Variants in PIK3CB observed in about 807,000 individuals in gnomAD.
PIK3CB encodes phosphatidylinositol 4,5-bisphosphate 3-kinase catalytic subunit beta isoform.
Under a neutral mutation model 136.8 loss-of-function variants are expected in PIK3CB, and 39 were observed. The ratio of observed to expected loss-of-function variants is 0.29; its 90% CI spans 0.22 to 0.37. PIK3CB has a LOEUF of 0.37. PIK3CB is among the 10% of genes least tolerant of loss of function. PIK3CB has a pLI of 1.00. For synonymous variants in PIK3CB, 428 were observed against 436.6 expected, an observed-to-expected ratio of 0.98 and a Z score of 0.25; for missense variants, 868 against 1,275.4, an observed-to-expected ratio of 0.68 and a Z score of 4.87.
At chr3:138,828,428 G>A (rs1344042450) in intron 1 of PIK3CB, among the ~76,000 whole-genome samples, 1 of 151,858 alleles carries the variant, frequency 6.6e-6, no homozygotes, top group South Asian at 2.1e-4. Context: ...CTTGTGATCC[G>A]CCCGTCTCGG....
chr3:138,792,003 C>A (rs1414021669), intron 2 of PIK3CB, among the ~76,000 whole-genome samples: 2 of 152,154 alleles, frequency 1.3e-5, no homozygotes, highest in Non-Finnish European at 2.9e-5. Context: ...GTGGGTTCCA[C>A]ATCCATGAAT....
chr3:138,714,429 G>A lies in PIK3CB; in HGVS notation c.1302+39C>T, dbSNP rs774814608. 61 of 1,409,170 alleles carry A rather than the reference G, an allele frequency of 4.3e-5. No homozygotes were observed. In the Middle Eastern group the frequency reaches 8.2e-4, roughly 19 times the overall value. 87.3% of individuals were successfully genotyped at this position (1,409,170 alleles called of 1,614,324 possible). On this transcript the variant is annotated intron_variant, in intron 9 of 23. Coordinates refer to ENST00000674063, the MANE Select transcript of PIK3CB (RefSeq NM_006219.3). ...TTTCAAACAGTCTTAAAATTATTCC[G>A]TTATATAAAACAATCCTCAGAAGTT...
chr3:138,662,200 T>G (rs539627537), intron 21 of PIK3CB, among the ~76,000 whole-genome samples: 65 of 150,736 alleles, frequency 4.3e-4, no homozygotes, highest in South Asian at 8.5e-4. Context: ...CATGCTGGTG[T>G]GCTGTACCCA....
At position 138,707,264 on chromosome 3, in the gene PIK3CB, T is replaced by C; in HGVS notation, c.1425A>G (p.Pro475=). ...ATGGATTTGTTTGAACAGTTCCCAT[T>C]GGATTCAACATTTCTTCGAGTTCAT... ...FPDELEEMLN[P]MGTVQTNPYT... Residue 475 remains proline, a synonymous_variant, in exon 11 of 24, where the codon CCA becomes CCG. Coordinates refer to ENST00000674063, the MANE Select transcript of PIK3CB (RefSeq NM_006219.3). The C allele has an allele frequency of 1.9e-6, 3 of 1,603,398 alleles. 1 individual carries two copies. In the South Asian group the frequency reaches 3.4e-5, roughly 18 times the overall value.
intron 8 of PIK3CB, among the ~76,000 whole-genome samples, chr3:138,717,473 C>G (rs748204445): frequency 2.6e-5 from 4 of 151,778 alleles, no homozygotes; most frequent in Admixed American, 6.6e-5. Context: ...AGCAAAATGA[C>G]CACAGTCAAT....
At chr3:138,666,213 C>T (rs1211278207) in intron 19 of PIK3CB, among the ~76,000 whole-genome samples, 1 of 152,008 alleles carries the variant, frequency 6.6e-6, no homozygotes, top group Non-Finnish European at 1.5e-5. Context: ...CTTTATTGCC[C>T]AGGCTGAGTG....
intron 2 of PIK3CB, among the ~76,000 whole-genome samples, chr3:138,771,420 G>A (rs1481270115): frequency 6.6e-6 from 1 of 151,842 alleles, no homozygotes; most frequent in Non-Finnish European, 1.5e-5. Flanking sequence ...GGGATTTCAC[G>A]TGTTAGCCAG....
chr3:138,712,357 A>G, intron 9 of PIK3CB, 53 bp from the exon 10 acceptor site: 1 of 726,134 alleles, frequency 1.4e-6, no homozygotes, highest in South Asian at 2.2e-5. Context: ...TTTAAGGTGT[A>G]AACATGCACA....
At chr3:138,737,664 T>TATAC (rs779385953) in intron 6 of PIK3CB, 43 bp downstream of exon 6, 12 of 771,148 alleles carry the variant, frequency 1.6e-5, no homozygotes, top group African/African-American at 1.8e-5. Context: ...TATATATATA[T>TATAC]ACTCATAGAC....
chr3:138,777,893 T>TA (rs2045878204), intron 2 of PIK3CB: 1 of 256,466 alleles, frequency 3.9e-6, no homozygotes, highest in Non-Finnish European at 7.9e-6. Flanking sequence ...AGGCTGCTTT[T>TA]AACTCTGGCG....
At chr3:138,803,522 T>C (rs1157043221) in intron 1 of PIK3CB, among the ~76,000 whole-genome samples, 1 of 152,182 alleles carries the variant, frequency 6.6e-6, no homozygotes, top group East Asian at 1.9e-4. Context: ...GGCCAGTACC[T>C]TGATGCTTAA....
chr3:138,664,200 AG>A (rs2043358945), intron 20 of PIK3CB, among the ~76,000 whole-genome samples, 171 bp from the exon 21 acceptor site: 1 of 152,118 alleles, frequency 6.6e-6, no homozygotes, highest in Non-Finnish European at 1.5e-5. Flanking sequence ...TGGTCTTCAC[AG>A]GGGCTGGGCT....
At chr3:138,660,554 G>A (rs929572053) in intron 21 of PIK3CB, among the ~76,000 whole-genome samples, 2 of 152,102 alleles carry the variant, frequency 1.3e-5, no homozygotes, top group Admixed American at 1.3e-4. Context: ...TAGAATGGTG[G>A]CTGCAGGTGC....
In PIK3CB at chr3:138,653,773, G is replaced by C. The variant is rs747292254; in HGVS notation, c.*1616C>G. 2 of 192,730 alleles carry C rather than the reference G, an allele frequency of 1.0e-5. No individual in the cohort carries two copies. The highest frequency in any genetic ancestry group is 2.3e-5 in the African/African-American group (1 of 42,994). 11.9% of individuals were successfully genotyped at this position (192,730 alleles called of 1,614,324 possible). A position where few individuals can be genotyped will look rare whatever the true frequency, so the allele number is the denominator to read the frequency against. On this transcript the variant is annotated 3_prime_UTR_variant, in exon 24 of 24. Transcript: ENST00000674063. ...GAGTCTGGCCTTGGCTCAGTGCCAA[G>C]TAACTACCCAGACTTCAGGACACCT... is the stretch of plus-strand genomic sequence containing the variant.
At chr3:138,665,799 G>A (rs1216501150) in intron 19 of PIK3CB, among the ~76,000 whole-genome samples, 1 of 152,108 alleles carries the variant, frequency 6.6e-6, no homozygotes, top group South Asian at 2.1e-4. Context: ...TGAACTCCTG[G>A]GTTCAAGTGA....
intron 23 of PIK3CB, 50 bp from the exon 24 acceptor site, chr3:138,655,576 T>A (rs145910340): frequency 1.4e-6 from 2 of 1,461,128 alleles, no homozygotes; most frequent in Non-Finnish European, 1.9e-6. Flanking sequence ...AGTAGAGATG[T>A]GCAAATATCA....
At chr3:138,736,049 G>T (rs771536659) in intron 6 of PIK3CB, among the ~76,000 whole-genome samples, 1 of 151,942 alleles carries the variant, frequency 6.6e-6, no homozygotes, top group Non-Finnish European at 1.5e-5. Context: ...TAATAATAGA[G>T]GATAATGCTG....
chr3:138,796,043 C>T (rs1481365948), intron 2 of PIK3CB, among the ~76,000 whole-genome samples: 1 of 152,108 alleles, frequency 6.6e-6, no homozygotes, highest in East Asian at 1.9e-4. Context: ...CAAGACCTAG[C>T]ATCCCCCCTA....
chr3:138,741,810 AG>A (rs1411904894), intron 5 of PIK3CB, among the ~76,000 whole-genome samples: 2 of 151,858 alleles, frequency 1.3e-5, no homozygotes, highest in African/African-American at 4.8e-5. Flanking sequence ...CCTGGGCAAC[AG>A]AGCAAGACTC....
Sources: allele counts gnomAD v4.1 joint callset (sites outside exome capture counted in the v4.1 genomes callset), GRCh38; gene constraint gnomAD v4.1.1; transcripts MANE v1.5; gene names NCBI Gene and HGNC (gene_info 2026-07-23, HGNC 2026-07-21).